ZNF618: variants seen among roughly 807,000 people sequenced by gnomAD.
ZNF618 encodes the protein neural precursor cell expressed, developmentally down-regulated 10.
In ZNF618, 34 loss-of-function variants were observed where a neutral mutation model predicts 103.0. That is an observed-to-expected ratio of 0.33 (90% CI 0.25 to 0.44). The LOEUF is 0.44. Among genes scored for constraint, ZNF618 ranks in the 20% least tolerant of loss-of-function variants. The pLI is 1.00. For missense variants in ZNF618, 1,059 were observed against 1,295.4 expected (o/e 0.82, Z 2.80); for synonymous variants, 551 against 542.2 (o/e 1.02, Z -0.23).
intron 13 of ZNF618, among the ~76,000 whole-genome samples, chr9:114,042,608 TGTTTGAGGCCAGGA>T (rs1399018054): frequency 2.6e-5 from 4 of 152,166 alleles, no homozygotes; most frequent in Non-Finnish European, 5.9e-5. Flanking sequence ...GCAGGAGGAT[TGTTTGAGGCCAGGA>T]GTTTGAGACC....
intron 1 of ZNF618, among the ~76,000 whole-genome samples, chr9:113,902,014 C>T (rs896795011): frequency 6.6e-6 from 1 of 152,048 alleles, no homozygotes; most frequent in African/African-American, 2.4e-5. Context: ...CAGTGCAATA[C>T]AGACTCTCTT....
chr9:113,898,580 C>T (rs575320393), intron 1 of ZNF618, among the ~76,000 whole-genome samples: 1 of 151,926 alleles, frequency 6.6e-6, no homozygotes, highest in Non-Finnish European at 1.5e-5. Context: ...GTGTGCACCA[C>T]CATGCCCAGC....
At chr9:114,039,356 T>TC (rs58895378) in intron 13 of ZNF618, among the ~76,000 whole-genome samples, 53,632 of 144,046 alleles carry the variant, frequency 0.37, 9,893 homozygotes, top group East Asian at 0.59. Flanking sequence ...TTTTTTTTTT[T>TC]TTTCCTTTGA....
intron 1 of ZNF618, among the ~76,000 whole-genome samples, chr9:113,887,740 C>G (rs557887545): frequency 6.6e-6 from 1 of 152,150 alleles, no homozygotes; most frequent in East Asian, 1.9e-4. Context: ...GCGGCCCAGG[C>G]GGGTAGCAGC....
intron 1 of ZNF618, among the ~76,000 whole-genome samples, chr9:113,888,753 T>G (rs1829315306): frequency 6.6e-6 from 1 of 152,202 alleles, no homozygotes; most frequent in Admixed American, 6.5e-5. Flanking sequence ...GGACCTCAGT[T>G]TTCCCTACTG....
chr9:113,954,606 G>T (rs1038057189), intron 1 of ZNF618, among the ~76,000 whole-genome samples: 7 of 152,190 alleles, frequency 4.6e-5, no homozygotes, highest in African/African-American at 1.7e-4. Context: ...GGACTCTTTG[G>T]TTAGCTCTGC....
rs976319570 is a variant in ZNF618 at position 113,890,001 on chromosome 9, C to T, written c.33+13588C>T. Among the ~76,000 whole-genome samples, 21 of 152,180 alleles carry T rather than the reference C, an allele frequency of 1.4e-4. 1 individual carries two copies. The highest frequency in any genetic ancestry group is 9.8e-4 in the Admixed American group (15 of 15,282). ...ATTTTCCTGGGAAGAAACCAAGACACAAGCTAAATAACTTGCCCAGGGTCA... is the reference window on the plus strand; with the variant it reads ...ATTTTCCTGGGAAGAAACCAAGACATAAGCTAAATAACTTGCCCAGGGTCA... On this transcript the variant is annotated intron_variant, in intron 1 of 14. Transcript: ENST00000374126.
intron 1 of ZNF618, among the ~76,000 whole-genome samples, chr9:113,951,577 A>ATATATGTG (rs1554733167): frequency 2.6e-4 from 13 of 49,148 alleles, no homozygotes; most frequent in Admixed American, 5.2e-4. Context: ...GTGTGTGTAT[A>ATATATGTG]TGTGTGTGTG....
At position 114,056,436 on chromosome 9, in the gene ZNF618, A is replaced by G. The variant is rs1452301455; in HGVS notation, c.*6269A>G. 6.6e-6 allele frequency: 1 copy of G among 152,236 alleles called. No individual in the cohort carries two copies. Among genetic ancestry groups the G allele is most frequent in the Admixed American group, 6.5e-5 (1 of 15,276 alleles). 9.4% of individuals were successfully genotyped at this position (152,236 alleles called of 1,614,324 possible). A position where few individuals can be genotyped will look rare whatever the true frequency, so the allele number is the denominator to read the frequency against. On this transcript the variant is annotated 3_prime_UTR_variant, in exon 15 of 15. Coordinates refer to ENST00000374126, the MANE Select transcript of ZNF618 (RefSeq NM_001318042.2). The stretch of plus-strand genomic sequence containing the variant: ...CGCCAAAAGCCCCAGCCCGGGATTC[A>G]GTACCTCCCCTGCCCCCCGAATTCT...
At chr9:113,922,969 G>T (rs1258003773) in intron 1 of ZNF618, among the ~76,000 whole-genome samples, 1 of 152,132 alleles carries the variant, frequency 6.6e-6, no homozygotes, top group Non-Finnish European at 1.5e-5. Context: ...GATCTTCTTT[G>T]ATTTTTTTCA....
Position 114,048,871 on chromosome 9 carries a change from G to A in ZNF618, c.1569G>A (p.Leu523=). 6.2e-7 allele frequency: 1 copy of A among 1,607,684 alleles called. No individual in the cohort carries two copies. The highest frequency in any genetic ancestry group is 8.5e-7 in the Non-Finnish European group (1 of 1,176,864). Residue 523 remains leucine (L), a synonymous_variant, in exon 15 of 15, where the codon CTG becomes CTA. Transcript: ENST00000374126. ...EILGNFNTLA[L]KHLPRMYNQV... is the part of the protein sequence containing the mutation. ...TGGGCAACTTCAACACGCTGGCGCT[G>A]AAGCACCTGCCACGCATGTACAACC...
At chr9:113,970,196 A>G (rs1837819273) in intron 2 of ZNF618, among the ~76,000 whole-genome samples, 1 of 152,062 alleles carries the variant, frequency 6.6e-6, no homozygotes, top group Non-Finnish European at 1.5e-5. Context: ...AGAGAGAATC[A>G]TGTTTCTCAA....
At position 113,988,323 on chromosome 9, in the gene ZNF618, A is replaced by T; in HGVS notation, c.80A>T (p.Glu27Val). ...GAACGGAGTTTCTTCTTTCCCAGGG[A>T]GCGCTTGAAGCGCAGCCAGAAGAGC... ...AAGRKSTASR[E>V]RLKRSQKSTK... Residue 27 changes from glutamate to valine, a missense_variant and splice_region_variant, in exon 3 of 15, where the codon GAG becomes GTG. Glu to Val is a moderately radical substitution (Grantham distance 121, BLOSUM62 -2). Coordinates refer to ENST00000374126, the MANE Select transcript of ZNF618 (RefSeq NM_001318042.2). 1 of 1,610,964 alleles carries T rather than the reference A, an allele frequency of 6.2e-7. No homozygotes were observed. The highest frequency in any genetic ancestry group is 8.5e-7 in the Non-Finnish European group (1 of 1,178,856).
At chr9:113,927,343 G>A (rs541771526) in intron 1 of ZNF618, among the ~76,000 whole-genome samples, 17 of 152,180 alleles carry the variant, frequency 1.1e-4, no homozygotes, top group African/African-American at 3.1e-4. Context: ...TTCCTCTCTG[G>A]TCCTTGTTTT....
chr9:114,020,963 C>G (rs1429158719), intron 10 of ZNF618, among the ~76,000 whole-genome samples: 1 of 147,268 alleles, frequency 6.8e-6, no homozygotes, highest in African/African-American at 2.4e-5. Context: ...TAAGTTACCT[C>G]TTATTTATAG....
At position 114,028,805 on chromosome 9, in the gene ZNF618, C is replaced by G. The variant is rs1391290262; in HGVS notation, c.917C>G (p.Pro306Arg). The G allele has an allele frequency of 6.4e-7, 1 of 1,550,494 alleles. No individual in the cohort carries two copies. Among genetic ancestry groups the G allele is most frequent in the Admixed American group, 2.0e-5 (1 of 50,996 alleles). Residue 306 changes from proline to arginine, a missense_variant, in exon 11 of 15, where the codon CCA (proline) becomes CGA (arginine). By Grantham distance (103) the Pro-to-Arg change is moderately radical (BLOSUM62 -2). Coordinates refer to ENST00000374126, the MANE Select transcript of ZNF618 (RefSeq NM_001318042.2). Reference sequence around the variant, plus strand: ...GAGTGTTCACATCCAGAGGTCTCCCCATCTCCACGCTTCGTGGCAGCGAAG... The same window carrying G: ...GAGTGTTCACATCCAGAGGTCTCCCGATCTCCACGCTTCGTGGCAGCGAAG... ...GSECSHPEVS[P>R]SPRFVAAKTQ...
intron 1 of ZNF618, among the ~76,000 whole-genome samples, chr9:113,879,340 A>G (rs1365119524): frequency 7.2e-5 from 10 of 139,846 alleles, no homozygotes; most frequent in Non-Finnish European, 1.4e-4. Context: ...TCTGTTGTCT[A>G]TGGCTAGAAG....
Position 114,044,490 on chromosome 9 carries a change from G to A in ZNF618, c.1247-3403G>A, listed in dbSNP as rs940243718. ...CCGGTAATGTGTTGCCCCCAGATTT[G>A]TTCTTTTTTCTTAGCTTTGCTTTGG... On this transcript the variant is annotated intron_variant, in intron 13 of 14. Coordinates refer to ENST00000374126, the MANE Select transcript of ZNF618 (RefSeq NM_001318042.2). Among the ~76,000 whole-genome samples, 7 of 152,136 alleles carry A rather than the reference G, an allele frequency of 4.6e-5. No individual in the cohort carries two copies. In the South Asian group the frequency reaches 1.2e-3, roughly 27 times the overall value.
At chr9:113,971,879 C>T (rs931645661) in intron 2 of ZNF618, among the ~76,000 whole-genome samples, 4 of 152,102 alleles carry the variant, frequency 2.6e-5, no homozygotes, top group Admixed American at 6.5e-5. Flanking sequence ...AGTGACTGAG[C>T]CCCTGTGTTA....
Sources: allele counts gnomAD v4.1 joint callset (sites outside exome capture counted in the v4.1 genomes callset), GRCh38; gene constraint gnomAD v4.1.1; transcripts MANE v1.5; gene names NCBI Gene and HGNC (gene_info 2026-07-23, HGNC 2026-07-21).